Variants in FOCAD observed in about 807,000 individuals in gnomAD.
FOCAD encodes the protein focadhesin.
In FOCAD, 198 loss-of-function variants were observed where a neutral mutation model predicts 225.6. The observed-to-expected ratio is 0.88, with a 90% confidence interval of 0.78 to 0.99. The LOEUF (loss-of-function observed/expected upper bound fraction) is 0.99. FOCAD is among the 50% of genes least tolerant of loss of function. The pLI, the probability that FOCAD is intolerant of heterozygous loss-of-function variation, is 0.00. For missense variants in FOCAD, 2,713 were observed against 2,123.6 expected, an observed-to-expected ratio of 1.28 and a Z score of -5.46; for synonymous variants, 897 against 755.0, an observed-to-expected ratio of 1.19 and a Z score of -3.08.
intron 5 of FOCAD, among the ~76,000 whole-genome samples, chr9:20,752,950 GCT>G (rs1563945706): frequency 6.7e-6 from 1 of 148,772 alleles, no homozygotes; most frequent in Non-Finnish European, 1.5e-5. Flanking sequence ...TCATGATTTG[GCT>G]CTCTGTTTGT....
At position 20,720,071 on chromosome 9, in the gene FOCAD, G is replaced by A. The variant is rs78495251; in HGVS notation, c.133-309G>A. Among the ~76,000 whole-genome samples the A allele has an allele frequency of 6.1e-4, 93 of 152,250 alleles. No individual in the cohort carries two copies. The East Asian group carries it at 0.018, about 29-fold the overall frequency. ...TGTCTGGTTAAATTGTTTGGTTAGA[G>A]CAATGTGCTAGAGCCAAGTTTTAGC... On this transcript the variant is annotated intron_variant, in intron 3 of 43. Transcript: ENST00000338382.
intron 6 of FOCAD, among the ~76,000 whole-genome samples, chr9:20,759,110 A>G (rs1469548052): frequency 6.6e-6 from 1 of 152,232 alleles, no homozygotes; most frequent in African/African-American, 2.4e-5. Flanking sequence ...GCTCAATGAA[A>G]TAAAAGAGGA....
chr9:20,723,253 C>T (rs943944088), intron 4 of FOCAD, among the ~76,000 whole-genome samples: 1 of 152,112 alleles, frequency 6.6e-6, no homozygotes, highest in Non-Finnish European at 1.5e-5. Flanking sequence ...TTCGGCAGGC[C>T]GAGGCAGGCG....
chr9:20,821,314 T>A (rs1359852472), intron 14 of FOCAD, among the ~76,000 whole-genome samples: 1 of 152,096 alleles, frequency 6.6e-6, no homozygotes, highest in African/African-American at 2.4e-5. Context: ...CGTTTTCTGA[T>A]TAATAATTTA....
intron 1 of FOCAD, among the ~76,000 whole-genome samples, chr9:20,703,680 T>C (rs1824158397): frequency 6.6e-6 from 1 of 152,122 alleles, no homozygotes; most frequent in Non-Finnish European, 1.5e-5. Context: ...ACTGCTCACT[T>C]GATGAGAGAT....
At chr9:20,735,356 C>A (rs1256887225) in intron 4 of FOCAD, among the ~76,000 whole-genome samples, 1 of 151,714 alleles carries the variant, frequency 6.6e-6, no homozygotes. Flanking sequence ...TCTTTCAAAG[C>A]AATTGCTTTA....
upstream of FOCAD, among the ~76,000 whole-genome samples, chr9:20,657,960 T>C (rs1435164120): frequency 7.1e-6 from 1 of 141,262 alleles, no homozygotes; most frequent in Non-Finnish European, 1.5e-5. Flanking sequence ...GTTTTTGGTG[T>C]GGATGTCCTT....
intron 42 of FOCAD, among the ~76,000 whole-genome samples, chr9:20,991,191 C>A (rs540742334): frequency 6.6e-6 from 1 of 152,312 alleles, no homozygotes; most frequent in East Asian, 1.9e-4. Flanking sequence ...CCCCAGGCTA[C>A]TAGCTGTTCT....
chr9:20,989,274 G>A (rs1490031209), intron 41 of FOCAD, among the ~76,000 whole-genome samples: 1 of 152,158 alleles, frequency 6.6e-6, no homozygotes, highest in East Asian at 1.9e-4. Flanking sequence ...TAAGAGATTA[G>A]GAAGTACTTT....
At position 20,926,353 on chromosome 9, in the gene FOCAD, C is replaced by T. The variant is rs762164762; in HGVS notation, c.3014C>T (p.Thr1005Ile). ...GAGTGGGTTTCCATGGTACTTGATA[C>T]ACTCTTGGTCATTGTGGATAGCCAT... ...MKEWVSMVLD[T>I]LLVIVDSHYQ... Residue 1005 changes from threonine (T) to isoleucine (I), a missense_variant, in exon 26 of 44, where the codon ACA becomes ATA. By Grantham distance (89) the Thr-to-Ile change is moderately conservative. Transcript: ENST00000338382. 2 of 1,613,680 alleles carry T rather than the reference C, an allele frequency of 1.2e-6. No individual in the cohort carries two copies. Among genetic ancestry groups the T allele is most frequent in the East Asian group, 2.2e-5 (1 of 44,872 alleles).
At chr9:20,906,483 T>C (rs1832989941) in intron 21 of FOCAD, among the ~76,000 whole-genome samples, 1 of 152,082 alleles carries the variant, frequency 6.6e-6, no homozygotes. Flanking sequence ...TGTTGCAAGA[T>C]AGCCATGTAC....
At chr9:20,966,730 G>A (rs1355518999) in intron 35 of FOCAD, among the ~76,000 whole-genome samples, 1 of 151,984 alleles carries the variant, frequency 6.6e-6, no homozygotes, top group African/African-American at 2.4e-5. Flanking sequence ...TCTTTTGCAT[G>A]TGAGTATCTA....
At chr9:20,848,704 C>G (rs370275536) in intron 15 of FOCAD, among the ~76,000 whole-genome samples, 2 of 151,912 alleles carry the variant, frequency 1.3e-5, no homozygotes, top group African/African-American at 4.8e-5. Context: ...AGAAAGGAAT[C>G]ATGCCGTACA....
At chr9:20,896,128 TTTTTCTTC>T (rs1478784102) in intron 21 of FOCAD, among the ~76,000 whole-genome samples, 1 of 151,986 alleles carries the variant, frequency 6.6e-6, no homozygotes, top group Non-Finnish European at 1.5e-5. Flanking sequence ...GATTATGTGA[TTTTTCTTC>T]TTTACCCTGT....
intron 5 of FOCAD, among the ~76,000 whole-genome samples, chr9:20,749,461 G>A (rs2131727317): frequency 6.6e-6 from 1 of 152,144 alleles, no homozygotes; most frequent in South Asian, 2.1e-4. Context: ...CTTCTTTATA[G>A]TGATATTCAT....
At chr9:20,915,042 T>C (rs1348392850) in intron 23 of FOCAD, among the ~76,000 whole-genome samples, 1 of 152,160 alleles carries the variant, frequency 6.6e-6, no homozygotes, top group Non-Finnish European at 1.5e-5. Flanking sequence ...GTATGGCATT[T>C]CCATTTAAGA....
intron 15 of FOCAD, among the ~76,000 whole-genome samples, chr9:20,829,685 G>A (rs555575421): frequency 2.6e-5 from 4 of 151,990 alleles, no homozygotes; most frequent in Non-Finnish European, 5.9e-5. Context: ...TGGTTTGTGG[G>A]CCTTTCACTA....
chr9:20,671,234 A>T (rs1221896631), intron 2 of FOCAD, among the ~76,000 whole-genome samples: 1 of 152,186 alleles, frequency 6.6e-6, no homozygotes, highest in Non-Finnish European at 1.5e-5. Flanking sequence ...AATTACATAG[A>T]TACAAACATC....
At chr9:20,763,899 A>C (rs1412079848) in intron 6 of FOCAD, among the ~76,000 whole-genome samples, 1 of 152,206 alleles carries the variant, frequency 6.6e-6, no homozygotes, top group Admixed American at 6.5e-5. Context: ...ATATAGTGAA[A>C]TCTAAATAGA....
Sources: allele counts gnomAD v4.1 joint callset (sites outside exome capture counted in the v4.1 genomes callset), GRCh38; gene constraint gnomAD v4.1.1; transcripts MANE v1.5; gene names NCBI Gene and HGNC (gene_info 2026-07-23, HGNC 2026-07-21).